NEBL: variants seen among roughly 807,000 people sequenced by gnomAD.
NEBL encodes the protein nebulette, also known as LIM and SH3 protein 2.
Under a neutral mutation model 140.2 loss-of-function variants are expected in NEBL, and 122 were observed. The observed-to-expected ratio is 0.87, with a 90% confidence interval of 0.75 to 1.01. The LOEUF (loss-of-function observed/expected upper bound fraction) is 1.01, where lower values mean the gene tolerates loss of function less well. Among genes scored for constraint, NEBL ranks in the 50% least tolerant of loss-of-function variants. The pLI is 0.00. For synonymous variants in NEBL, 436 were observed against 398.9 expected, an observed-to-expected ratio of 1.09 and a Z score of -1.11; for missense variants, 1,365 against 1,231.3, an observed-to-expected ratio of 1.11 and a Z score of -1.62.
At chr10:21,278,635 T>C (rs1367736238) in intron 1 of NEBL, among the ~76,000 whole-genome samples, 1 of 152,114 alleles carries the variant, frequency 6.6e-6, no homozygotes, top group South Asian at 2.1e-4. Context: ...TAGGGGTCTA[T>C]CGGAGCACTG....
intron 2 of NEBL, among the ~76,000 whole-genome samples, chr10:21,164,673 A>G (rs1840690795): frequency 6.6e-6 from 1 of 152,206 alleles, no homozygotes; most frequent in African/African-American, 2.4e-5. Flanking sequence ...TGTGGTTTGT[A>G]AATATGATTC....
intron 2 of NEBL, among the ~76,000 whole-genome samples, chr10:21,138,259 A>T (rs1034644849): frequency 6.6e-6 from 1 of 152,166 alleles, no homozygotes; most frequent in Non-Finnish European, 1.5e-5. Context: ...AATTTCCAAG[A>T]TCAAGGAGAA....
chr10:20,970,327 C>T lies in NEBL; in HGVS notation c.250-8548G>A, dbSNP rs564551710. ...ATCTGCATTTAGGAGCTCCTTCAGT[C>T]CTTTTTGGATCAAAAAAAGAATACA... On this transcript the variant is annotated intron_variant, in intron 3 of 6. Coordinates refer to the NEBL transcript ENST00000417816. Among the ~76,000 whole-genome samples the T allele has an allele frequency of 1.4e-4, 21 of 152,268 alleles. 1 individual carries two copies. In the South Asian group the frequency reaches 3.9e-3, roughly 29 times the overall value.
chr10:21,209,648 CTTTTTTTTTTTTCTTT>C (rs1475849582), intron 3 of NEBL, among the ~76,000 whole-genome samples: 122 of 141,226 alleles, frequency 8.6e-4, no homozygotes, highest in African/African-American at 3.2e-3. Context: ...GGCACCTGAC[CTTTTTTTTTTTTCTTT>C]TTTTTTTTTT....
chr10:21,289,308 C>A (rs74123939), intron 1 of NEBL, among the ~76,000 whole-genome samples: 10,641 of 152,154 alleles, frequency 0.07, 433 homozygotes, highest in Admixed American at 0.1. Context: ...ACTCAGTATT[C>A]ACGGAGATCA....
intron 3 of NEBL, among the ~76,000 whole-genome samples, chr10:20,988,609 T>G (rs1837343293): frequency 6.6e-6 from 1 of 152,150 alleles, no homozygotes; most frequent in South Asian, 2.1e-4. Flanking sequence ...TGTCTCTCTC[T>G]ATTGGGTCAC....
intron 3 of NEBL, among the ~76,000 whole-genome samples, chr10:21,184,258 T>C (rs1249066729): frequency 2.0e-5 from 3 of 152,224 alleles, no homozygotes; most frequent in Non-Finnish European, 4.4e-5. Flanking sequence ...TGTTTTCTTG[T>C]CTCAGATAAT....
intron 14 of NEBL, 43 bp from the exon 15 acceptor site, chr10:20,831,626 G>C (rs758444723): frequency 7.1e-5 from 92 of 1,301,000 alleles, no homozygotes; most frequent in Non-Finnish European, 9.7e-5. Context: ...CCAATCATTT[G>C]AGAAACTGCT....
intron 2 of NEBL, among the ~76,000 whole-genome samples, chr10:21,074,427 A>T (rs1160280246): frequency 6.6e-6 from 1 of 151,900 alleles, no homozygotes; most frequent in Non-Finnish European, 1.5e-5. Flanking sequence ...AGATGATTAT[A>T]TTGTACATCT....
intron 3 of NEBL, among the ~76,000 whole-genome samples, chr10:21,013,703 C>T (rs951944816): frequency 6.6e-5 from 10 of 152,156 alleles, no homozygotes; most frequent in African/African-American, 2.4e-4. Flanking sequence ...CATGGTGAAT[C>T]CCCATCTCTA....
intron 4 of NEBL, among the ~76,000 whole-genome samples, chr10:20,919,653 C>G (rs546487308): frequency 6.6e-6 from 1 of 152,216 alleles, no homozygotes; most frequent in South Asian, 2.1e-4. Context: ...ATAATTGGAT[C>G]CATTTCTCAT....
At chr10:20,826,570 A>G in intron 17 of NEBL, 31 bp from the exon 18 acceptor site, 2 of 1,527,518 alleles carry the variant, frequency 1.3e-6, no homozygotes, top group Non-Finnish European at 1.8e-6. Context: ...AAGAATAACT[A>G]AGCTTGTCAG....
intron 1 of NEBL, among the ~76,000 whole-genome samples, chr10:21,285,955 G>A (rs942223564): frequency 6.6e-6 from 1 of 152,058 alleles, no homozygotes; most frequent in Non-Finnish European, 1.5e-5. Context: ...TGAACTTCTC[G>A]CCCTGACCCA....
chr10:21,156,339 T>C (rs927400268), intron 2 of NEBL, among the ~76,000 whole-genome samples: 2 of 152,166 alleles, frequency 1.3e-5, no homozygotes, highest in Non-Finnish European at 2.9e-5. Flanking sequence ...CTCAACAGTA[T>C]TTAGGAGGCA....
intron 24 of NEBL, 52 bp from the exon 25 acceptor site, chr10:20,809,950 GAAAAA>G: frequency 7.3e-6 from 5 of 681,930 alleles, no homozygotes; most frequent in African/African-American, 2.5e-5. Flanking sequence ...TTTAAAAAAG[GAAAAA>G]AAAAAAAAAA....
At chr10:21,227,511 T>A (rs930183187) in intron 3 of NEBL, among the ~76,000 whole-genome samples, 24 of 152,244 alleles carry the variant, frequency 1.6e-4, no homozygotes, top group Admixed American at 1.1e-3. Context: ...AAGGAAACAC[T>A]TTTTCTTGAA....
intron 1 of NEBL, among the ~76,000 whole-genome samples, chr10:21,287,852 G>A (rs1001002311): frequency 3.3e-5 from 5 of 152,002 alleles, no homozygotes; most frequent in Non-Finnish European, 7.4e-5. Flanking sequence ...TCAACCAACT[G>A]CAATGTATAG....
At chr10:20,992,564 A>C (rs1262510393) in intron 3 of NEBL, among the ~76,000 whole-genome samples, 2 of 152,106 alleles carry the variant, frequency 1.3e-5, no homozygotes, top group African/African-American at 4.8e-5. Flanking sequence ...GTGACCTCTT[A>C]TCAGCAGATT....
chr10:21,250,113 T>C (rs187443391), intron 2 of NEBL, among the ~76,000 whole-genome samples: 13 of 152,150 alleles, frequency 8.5e-5, no homozygotes, highest in Admixed American at 2.0e-4. Flanking sequence ...TGGTTAATAC[T>C]GAGTGTCAAC....
Sources: gnomAD v4.1 joint callset for allele counts (sites outside exome capture counted in the v4.1 genomes callset) on GRCh38, gnomAD v4.1.1 for gene constraint, MANE v1.5 for transcripts, NCBI Gene and HGNC (gene_info 2026-07-23, HGNC 2026-07-21) for gene names.